PCDHA2: variants seen among roughly 807,000 people sequenced by gnomAD.
The protein encoded by PCDHA2 is protocadherin alpha-2.
A neutral mutation model predicts 66.0 loss-of-function variants in PCDHA2; 58 were observed. The ratio of observed to expected loss-of-function variants is 0.88; its 90% confidence interval spans 0.71 to 1.09. The LOEUF (loss-of-function observed/expected upper bound fraction) is 1.09, where lower values mean the gene tolerates loss of function less well. Ranked by LOEUF, PCDHA2 falls within the 50% of genes least tolerant of loss-of-function variation. The pLI is 0.00. For missense variants in PCDHA2, 1,267 were observed against 1,242.3 expected, an observed-to-expected ratio of 1.02 and a Z score of -0.30; for synonymous variants, 634 against 554.0, an observed-to-expected ratio of 1.14 and a Z score of -2.03.
intron 1 of PCDHA2, among the ~76,000 whole-genome samples, chr5:140,936,053 C>T (rs576745037): frequency 1.2e-4 from 18 of 152,052 alleles, no homozygotes; most frequent in Middle Eastern, 3.4e-3. Flanking sequence ...CCACCACACC[C>T]GGCTAATTTT....
chr5:140,903,713 A>G (rs1391210068), intron 1 of PCDHA2, among the ~76,000 whole-genome samples: 1 of 152,206 alleles, frequency 6.6e-6, no homozygotes, highest in Non-Finnish European at 1.5e-5. Flanking sequence ...TAAAATATAC[A>G]ATTCTCCCTA....
At chr5:140,934,363 T>C (rs1354531260) in intron 1 of PCDHA2, among the ~76,000 whole-genome samples, 3 of 152,170 alleles carry the variant, frequency 2.0e-5, no homozygotes, top group African/African-American at 7.2e-5. Context: ...GCCACTGCTT[T>C]GACTCCTTCT....
chr5:140,876,195 G>A (rs1554168359), intron 1 of PCDHA2: 2 of 1,613,944 alleles, frequency 1.2e-6, no homozygotes, highest in Admixed American at 1.7e-5. Flanking sequence ...ATGGTCCGGC[G>A]TTTGATAAGC....
At chr5:140,848,698 CCAAAGG>C (rs2040558195) in intron 1 of PCDHA2, 1 of 1,592,180 alleles carries the variant, frequency 6.3e-7, no homozygotes, top group African/African-American at 1.3e-5. Context: ...CAGTTGGATT[CCAAAGG>C]CCGCGGGGAC....
At chr5:140,935,564 T>A (rs1554210560) in intron 1 of PCDHA2, among the ~76,000 whole-genome samples, 1 of 152,236 alleles carries the variant, frequency 6.6e-6, no homozygotes, top group Non-Finnish European at 1.5e-5. Context: ...GAAAAGTTCC[T>A]CTCTGTGTAG....
chr5:140,921,925 G>A (rs895157006), intron 1 of PCDHA2, among the ~76,000 whole-genome samples: 2 of 151,816 alleles, frequency 1.3e-5, no homozygotes, highest in African/African-American at 4.8e-5. Flanking sequence ...AAAACTTATA[G>A]TCAATATAAT....
At chr5:140,808,674 A>G in intron 1 of PCDHA2, 1 of 1,612,708 alleles carries the variant, frequency 6.2e-7, no homozygotes, top group South Asian at 1.1e-5. Flanking sequence ...TCGCTGGTAG[A>G]GCGGCGGGTA....
chr5:140,807,579 C>G (rs1355762346), intron 1 of PCDHA2: 8 of 1,614,162 alleles, frequency 5.0e-6, no homozygotes, highest in South Asian at 4.4e-5. Flanking sequence ...GATAACCCGC[C>G]GGTGTTCCCA....
rs200097598 is a variant in PCDHA2 at position 140,842,988 on chromosome 5, T to C, written c.2388+45636T>C. On this transcript the variant is annotated intron_variant, in intron 1 of 3. Coordinates refer to ENST00000526136, the MANE Select transcript of PCDHA2 (RefSeq NM_018905.3). ...AACGTGACGCTGCAGGTGTTCGTGC[T>C]GGACGAGAATGACAACGCGCCGGCA... 2.2e-4 allele frequency: 358 copies of C among 1,595,006 alleles called. 36 individuals are homozygous for C. Among genetic ancestry groups the C allele is most frequent in the Non-Finnish European group, 2.9e-4 (341 of 1,165,496 alleles).
intron 1 of PCDHA2, among the ~76,000 whole-genome samples, chr5:140,917,535 T>C (rs2078248743): frequency 3.3e-5 from 5 of 152,278 alleles, no homozygotes; most frequent in South Asian, 4.1e-4. Flanking sequence ...TTGTATAGTT[T>C]TAGGTTTTAC....
intron 1 of PCDHA2, chr5:140,803,846 C>T (rs559372667): frequency 5.0e-6 from 3 of 598,242 alleles, no homozygotes; most frequent in Non-Finnish European, 8.6e-6. Flanking sequence ...TATTTTATTG[C>T]TAAATGCCTG....
chr5:140,876,870 G>A (rs1278762768), intron 1 of PCDHA2: 2 of 1,614,000 alleles, frequency 1.2e-6, no homozygotes, highest in Non-Finnish European at 1.7e-6. Flanking sequence ...TCGTGAAGGA[G>A]AACAACCCGC....
chr5:140,988,184 GGT>G (rs2153871318), intron 3 of PCDHA2, among the ~76,000 whole-genome samples: 1 of 152,246 alleles, frequency 6.6e-6, no homozygotes, highest in East Asian at 1.9e-4. Flanking sequence ...AGTCCTGGGA[GGT>G]GTGTGCATAT....
intron 1 of PCDHA2, among the ~76,000 whole-genome samples, chr5:140,905,415 C>A (rs2071821709): frequency 6.6e-6 from 1 of 152,128 alleles, no homozygotes; most frequent in Non-Finnish European, 1.5e-5. Context: ...ATACCAGTAC[C>A]ATGCTGGTTT....
chr5:140,963,941 G>A lies in PCDHA2; in HGVS notation c.2389-15008G>A, dbSNP rs1434019587. Among the ~76,000 whole-genome samples the A allele has an allele frequency of 7.9e-5, 12 of 152,320 alleles. No homozygotes were observed. In the East Asian group the frequency reaches 9.6e-4, roughly 12 times the overall value. On this transcript the variant is annotated intron_variant, in intron 1 of 3. Coordinates refer to ENST00000526136, the MANE Select transcript of PCDHA2 (RefSeq NM_018905.3). ...TAAGTAACATGTCCATAGCCAAACAGTTAGTCACTGGCAGGAGTGTGACTG... is the reference window on the plus strand; with the variant it reads ...TAAGTAACATGTCCATAGCCAAACAATTAGTCACTGGCAGGAGTGTGACTG...
At chr5:140,832,848 G>C (rs2150204756) in intron 1 of PCDHA2, among the ~76,000 whole-genome samples, 1 of 152,162 alleles carries the variant, frequency 6.6e-6, no homozygotes, top group East Asian at 1.9e-4. Context: ...GAAGGAGACC[G>C]TGAAGAGTCA....
intron 1 of PCDHA2, among the ~76,000 whole-genome samples, chr5:140,908,155 G>T (rs559304647): frequency 2.0e-5 from 3 of 152,194 alleles, no homozygotes; most frequent in African/African-American, 4.8e-5. Flanking sequence ...TCCTAGGAAG[G>T]GGCTGTAGTG....
intron 1 of PCDHA2, chr5:140,884,247 C>T: frequency 6.2e-7 from 1 of 1,613,398 alleles, no homozygotes. Context: ...CCCGCGCTGA[C>T]GGCCACGGCA....
intron 1 of PCDHA2, chr5:140,876,005 T>C: frequency 6.2e-7 from 1 of 1,613,854 alleles, no homozygotes; most frequent in African/African-American, 1.3e-5. Context: ...AATGAGAATT[T>C]TGAGCTTAAA....
Sources: gnomAD v4.1 joint callset for allele counts (sites outside exome capture counted in the v4.1 genomes callset) on GRCh38, gnomAD v4.1.1 for gene constraint, MANE v1.5 for transcripts, NCBI Gene and HGNC (gene_info 2026-07-23, HGNC 2026-07-21) for gene names.